Variants in CUX2 observed in about 807,000 individuals in gnomAD.
CUX2 encodes the protein homeobox protein cut-like 2.
CUX2 carries 40 observed loss-of-function variants against 144.8 expected under a neutral mutation model. That is an observed-to-expected ratio of 0.28 (90% CI 0.21 to 0.36). The LOEUF is 0.36. CUX2 is among the 10% of genes least tolerant of loss of function. The pLI is 1.00. For synonymous variants in CUX2, 827 were observed against 875.6 expected (o/e 0.94, Z 0.98); for missense variants, 1,615 against 1,994.0 (o/e 0.81, Z 3.62).
At chr12:111,139,706 A>G (rs1334207022) in intron 1 of CUX2, among the ~76,000 whole-genome samples, 1 of 152,210 alleles carries the variant, frequency 6.6e-6, no homozygotes, top group East Asian at 1.9e-4. Flanking sequence ...AGTTGTATGC[A>G]CTGCATACAG....
At chr12:111,238,089 A>G (rs544681020) in intron 3 of CUX2, among the ~76,000 whole-genome samples, 13 of 152,326 alleles carry the variant, frequency 8.5e-5, no homozygotes, top group African/African-American at 2.9e-4. Context: ...TGTCTTTCAG[A>G]TCTTTGTTCA....
At chr12:111,169,769 C>G (rs1167019535) in intron 1 of CUX2, among the ~76,000 whole-genome samples, 1 of 152,204 alleles carries the variant, frequency 6.6e-6, no homozygotes, top group Admixed American at 6.5e-5. Context: ...ATTATTTACT[C>G]ATTAGCTGAT....
At chr12:111,194,731 C>T (rs1015852281) in intron 1 of CUX2, among the ~76,000 whole-genome samples, 14 of 152,354 alleles carry the variant, frequency 9.2e-5, no homozygotes, top group East Asian at 1.9e-4. Context: ...CTGATGTACC[C>T]GGTGCCCGTC....
chr12:111,202,824 G>A (rs896898777), intron 1 of CUX2, among the ~76,000 whole-genome samples: 2 of 152,108 alleles, frequency 1.3e-5, no homozygotes, highest in African/African-American at 4.8e-5. Flanking sequence ...TAAATAGGAC[G>A]GCAGGACAGG....
At chr12:111,099,942 G>A (rs897804613) in intron 1 of CUX2, 4 of 457,186 alleles carry the variant, frequency 8.7e-6, no homozygotes, top group Admixed American at 2.3e-5. Flanking sequence ...CAGAACCTGC[G>A]TCAGCTCAGA....
intron 1 of CUX2, among the ~76,000 whole-genome samples, chr12:111,045,350 G>C (rs1869947436): frequency 6.6e-6 from 1 of 152,178 alleles, no homozygotes; most frequent in African/African-American, 2.4e-5. Flanking sequence ...CATTTGATGA[G>C]CATTATTCAG....
chr12:111,263,848 T>C lies in CUX2; in HGVS notation c.301+9T>C, dbSNP rs907427069. ...ATTAATTGAAGCACCAGGTAAGAAATGCTTGGGCTCCGTAATTGAATAGTT... is the reference window on the plus strand; with the variant it reads ...ATTAATTGAAGCACCAGGTAAGAAACGCTTGGGCTCCGTAATTGAATAGTT... On this transcript the variant is annotated intron_variant, in intron 4 of 21. Coordinates refer to ENST00000261726, the MANE Select transcript of CUX2 (RefSeq NM_015267.4). This position sits in a 1 kb window ranked among gnomAD's most constrained non-coding sequence, Gnocchi z 4.0. 2.5e-6 allele frequency: 4 copies of C among 1,611,552 alleles called. No homozygotes were observed. The highest frequency in any genetic ancestry group is 2.5e-6 in the Non-Finnish European group (3 of 1,177,810).
chr12:111,148,411 A>G (rs1473634933), intron 1 of CUX2, among the ~76,000 whole-genome samples: 1 of 152,214 alleles, frequency 6.6e-6, no homozygotes, highest in African/African-American at 2.4e-5. Flanking sequence ...TGATGGGTAC[A>G]GGATTTCAAT....
intron 1 of CUX2, among the ~76,000 whole-genome samples, chr12:111,081,713 G>A (rs1871898644): frequency 6.6e-6 from 1 of 152,256 alleles, no homozygotes; most frequent in Admixed American, 6.5e-5. Context: ...TCTGGATGCA[G>A]CGGGAATTGG....
In CUX2 at chr12:111,348,251, G is replaced by A. The variant is rs573810966; in HGVS notation, c.4387G>A (p.Ala1463Thr). The A allele has an allele frequency of 6.2e-7, 1 of 1,613,908 alleles. No homozygotes were observed. Among genetic ancestry groups the A allele is most frequent in the South Asian group, 1.1e-5 (1 of 91,078 alleles). The change falls in exon 22 of 22, where the codon GCC becomes ACC. Residue 1463 changes from alanine to threonine, a missense_variant. This residue lies in a region of CUX2 where 298 missense variants were observed against 330.4 expected (regional missense o/e 0.90). Transcript: ENST00000261726. ...CTTGCAGCGGCGGCATGAGAAGATG[G>A]CCAATCTGAACAACATCATTTACCG... ...PNLQRRHEKM[A>T]NLNNIIYRVE...
In CUX2 at chr12:111,308,544, T is replaced by C. The variant is rs558367466; in HGVS notation, c.1258+18T>C. On this transcript the variant is annotated intron_variant, in intron 14 of 21. Transcript: ENST00000261726. ...CAGCCCTGGTAGGGGAGGAGGATAC[T>C]CTGGGGCTGAGGGCTGGGGCGGGGG... 12 of 1,594,526 alleles carry C rather than the reference T, an allele frequency of 7.5e-6. No homozygotes were observed. In the African/African-American group the frequency reaches 1.3e-4, roughly 18 times the overall value.
chr12:111,346,544 C>T (rs1888818905), intron 21 of CUX2, among the ~76,000 whole-genome samples: 1 of 151,902 alleles, frequency 6.6e-6, no homozygotes, highest in Non-Finnish European at 1.5e-5. Flanking sequence ...TGATAAGCGC[C>T]CATTATTATT....
At chr12:111,120,341 A>G (rs543770253) in intron 1 of CUX2, among the ~76,000 whole-genome samples, 1 of 152,236 alleles carries the variant, frequency 6.6e-6, no homozygotes, top group Non-Finnish European at 1.5e-5. Context: ...GTGATTTATA[A>G]GACTTCTAGG....
rs536372937 is a variant in CUX2, at chr12:111,149,294, T to C, written c.64-64906T>C. ...GGTTTTTAAAGCTTATCGGCTATTG[T>C]TGGTGTATTTTATGTGTGGGCCAAG... is the stretch of plus-strand genomic sequence containing the variant. On this transcript the variant is annotated intron_variant, in intron 1 of 21. Transcript: ENST00000261726. 3.3e-5 allele frequency among the ~76,000 whole-genome samples: 5 copies of C among 152,246 alleles called. No homozygotes were observed. In the South Asian group the frequency reaches 1.0e-3, roughly 32 times the overall value.
intron 1 of CUX2, among the ~76,000 whole-genome samples, chr12:111,192,143 T>C (rs752514439): frequency 6.6e-6 from 1 of 152,104 alleles, no homozygotes; most frequent in Non-Finnish European, 1.5e-5. Flanking sequence ...TATTTATTTT[T>C]GGAGATGGAG....
intron 4 of CUX2, among the ~76,000 whole-genome samples, chr12:111,279,821 A>G (rs974120911): frequency 6.6e-5 from 10 of 152,190 alleles, no homozygotes; most frequent in Admixed American, 5.2e-4. Context: ...TTCTCTATTA[A>G]AGATACAAAA....
At position 111,171,689 on chromosome 12, in the gene CUX2, T is replaced by A. The variant is rs1240571499; in HGVS notation, c.64-42511T>A. 2.0e-5 allele frequency among the ~76,000 whole-genome samples: 3 copies of A among 152,140 alleles called. No individual in the cohort carries two copies. The highest frequency in any genetic ancestry group is 6.5e-5 in the Admixed American group (1 of 15,284). ...TGCTGAAGGGGTTTGCAGGCCATAA[T>A]TAGGGGCTCAGTGTCACCTTTGTCC... On this transcript the variant is annotated intron_variant, in intron 1 of 21. Transcript: ENST00000261726. The surrounding 1 kb of genome is among the most constrained non-coding windows in gnomAD (Gnocchi z 5.0).
intron 1 of CUX2, among the ~76,000 whole-genome samples, chr12:111,060,480 T>A (rs946174916): frequency 6.6e-6 from 1 of 152,236 alleles, no homozygotes; most frequent in East Asian, 1.9e-4. Flanking sequence ...CATAATTGAT[T>A]GGAGTTCCTT....
intron 1 of CUX2, among the ~76,000 whole-genome samples, chr12:111,038,693 C>CT (rs1869581121): frequency 6.6e-6 from 1 of 152,228 alleles, no homozygotes; most frequent in Non-Finnish European, 1.5e-5. Context: ...ACAGAGATTG[C>CT]TTCTCAAAAA....
Sources: allele counts gnomAD v4.1 joint callset (sites outside exome capture counted in the v4.1 genomes callset), GRCh38; gene constraint gnomAD v4.1.1; regional missense constraint gnomAD v4.1.1; non-coding constraint Gnocchi (gnomAD v3.1); transcripts MANE v1.5; gene names NCBI Gene and HGNC (gene_info 2026-07-23, HGNC 2026-07-21).